Variants in SEC16B observed in about 807,000 individuals in gnomAD.
SEC16B encodes the protein SEC16 homolog B, endoplasmic reticulum export factor.
Under a neutral mutation model 141.8 loss-of-function variants are expected in SEC16B, and 115 were observed. The ratio of observed to expected loss-of-function variants is 0.81; its 90% CI spans 0.70 to 0.95. The LOEUF is 0.95. Ranked by LOEUF, SEC16B falls within the 40% of genes least tolerant of loss-of-function variation. The pLI, the probability that SEC16B is intolerant of heterozygous loss-of-function variation, is 0.00. For missense variants in SEC16B, 1,291 were observed against 1,312.3 expected, an observed-to-expected ratio of 0.98 and a Z score of 0.25; for synonymous variants, 493 against 492.5, an observed-to-expected ratio of 1.00 and a Z score of -0.01.
At chr1:177,961,854 G>T in intron 5 of SEC16B, 120 bp from the exon 6 acceptor site, 1 of 974,374 alleles carries the variant, frequency 1.0e-6, no homozygotes, top group African/African-American at 1.7e-5. Context: ...GATAAAAAGA[G>T]ATAATCAAGT....
At chr1:177,930,472 G>T in intron 25 of SEC16B, 73 bp downstream of exon 25, 2 of 945,232 alleles carry the variant, frequency 2.1e-6, no homozygotes, top group Admixed American at 2.3e-5. Context: ...GGTAAACTGG[G>T]ATGATAAACC....
At chr1:177,979,462 A>G (rs1441567818) in intron 1 of SEC16B, among the ~76,000 whole-genome samples, 3 of 152,186 alleles carry the variant, frequency 2.0e-5, no homozygotes, top group African/African-American at 7.2e-5. Context: ...CCCTTGCTCT[A>G]TCAGTCTGGA....
chr1:177,968,568 T>C (rs1653734319), intron 1 of SEC16B, among the ~76,000 whole-genome samples: 1 of 152,214 alleles, frequency 6.6e-6, no homozygotes, highest in African/African-American at 2.4e-5. Context: ...GAGTTAAAGA[T>C]AACCTATGCG....
intron 1 of SEC16B, among the ~76,000 whole-genome samples, chr1:177,976,105 C>T (rs1397096586): frequency 1.3e-5 from 2 of 152,198 alleles, no homozygotes. Context: ...GACCAAGGCA[C>T]CCTGTGGTTG....
chr1:177,933,465 G>A lies in SEC16B; in HGVS notation c.2724+19C>T. 1.9e-6 allele frequency: 3 copies of A among 1,609,126 alleles called. No homozygotes were observed. Among genetic ancestry groups the A allele is most frequent in the Non-Finnish European group, 2.5e-6 (3 of 1,177,466 alleles). On this transcript the variant is annotated intron_variant, in intron 21 of 25. Coordinates refer to ENST00000308284, the MANE Select transcript of SEC16B (RefSeq NM_033127.4). Reference sequence around the variant, plus strand: ...GGCAGGGGAAGGAAGGCAGGGGAGAGAAGAACAAGTCCCTCCACCTTTGTA... The same window carrying A: ...GGCAGGGGAAGGAAGGCAGGGGAGAAAAGAACAAGTCCCTCCACCTTTGTA...
Position 177,936,358 on chromosome 1 carries a change from G to A in SEC16B, c.2511C>T (p.Asn837=). The change falls in exon 20 of 26, where the codon AAC becomes AAT. Residue 837 remains asparagine (N), a synonymous_variant. Coordinates refer to ENST00000308284, the MANE Select transcript of SEC16B (RefSeq NM_033127.4). The part of the protein sequence containing the change: ...MLQTHLGPGE[N]TVSQETSQPP... The stretch of plus-strand genomic sequence containing the variant: ...GCTGGGAAGTTTCTTGAGACACTGT[G>A]TTCTCTCCTGCATCACAAACAGAAA... 1 of 1,608,588 alleles carries A rather than the reference G, an allele frequency of 6.2e-7. No individual in the cohort carries two copies. The highest frequency in any genetic ancestry group is 8.5e-7 in the Non-Finnish European group (1 of 1,177,396).
chr1:177,967,533 A>C, intron 2 of SEC16B, 150 bp downstream of exon 2: 1 of 683,480 alleles, frequency 1.5e-6, no homozygotes, highest in Non-Finnish European at 2.3e-6. Flanking sequence ...AATTTGGGAG[A>C]GGACAGGATT....
In SEC16B at chr1:177,937,174, C is replaced by T. The variant is rs368724789; in HGVS notation, c.2503+40G>A. 97 of 1,564,958 alleles carry T rather than the reference C, an allele frequency of 6.2e-5. No individual in the cohort carries two copies. The African/African-American group carries it at 1.0e-3, about 17-fold the overall frequency. ...CTTTCCTGCTTCCTCCCCACCCAGA[C>T]CCTACATTCAATGTGGCCACCCTAG... is the stretch of plus-strand genomic sequence containing the variant. On this transcript the variant is annotated intron_variant, in intron 19 of 25. Transcript: ENST00000308284.
intron 16 of SEC16B, 61 bp downstream of exon 16, chr1:177,941,839 C>T (rs1473140792): frequency 7.6e-6 from 12 of 1,569,330 alleles, no homozygotes; most frequent in South Asian, 4.7e-5. Context: ...AGCTGCTCTA[C>T]GATGGCTTTC....
In SEC16B at chr1:177,955,265, G is replaced by A. The variant is rs1652510344; in HGVS notation, c.1366-889C>T. The stretch of plus-strand genomic sequence containing the variant: ...AATCCCTACACTTTGGGAGGTGGAG[G>A]GAGAGGATCACTTGAGCCCAGGAGT... On this transcript the variant is annotated intron_variant, in intron 10 of 25. Coordinates refer to ENST00000308284, the MANE Select transcript of SEC16B (RefSeq NM_033127.4). Among the ~76,000 whole-genome samples, 3 of 152,026 alleles carry A rather than the reference G, an allele frequency of 2.0e-5. No individual in the cohort carries two copies. In the South Asian group the frequency reaches 6.2e-4, roughly 32 times the overall value.
At chr1:177,940,120 T>C (rs1651167202) in intron 17 of SEC16B, among the ~76,000 whole-genome samples, 1 of 152,116 alleles carries the variant, frequency 6.6e-6, no homozygotes, top group Non-Finnish European at 1.5e-5. Flanking sequence ...CAGAGCAGAA[T>C]GGGAAAAAGA....
chr1:177,939,927 G>T, intron 17 of SEC16B, 150 bp from the exon 18 acceptor site: 1 of 666,816 alleles, frequency 1.5e-6, no homozygotes, highest in Admixed American at 2.8e-5. Context: ...GGCCTGGGGG[G>T]TCACGTGGAC....
At chr1:177,966,892 T>C (rs1113416) in intron 2 of SEC16B, among the ~76,000 whole-genome samples, 65,345 of 152,080 alleles carry the variant, frequency 0.43, 14,260 homozygotes, top group Non-Finnish European at 0.45. Context: ...AATTCTTTAG[T>C]ATTTCTTAGG....
chr1:177,979,083 C>T (rs1263027746), intron 1 of SEC16B, among the ~76,000 whole-genome samples: 1 of 151,974 alleles, frequency 6.6e-6, no homozygotes, highest in Non-Finnish European at 1.5e-5. Flanking sequence ...GAAAATCAAC[C>T]ACAGGTCTTC....
At chr1:177,930,209 C>T (rs1650311488) in intron 25 of SEC16B, among the ~76,000 whole-genome samples, 1 of 152,160 alleles carries the variant, frequency 6.6e-6, no homozygotes, top group Admixed American at 6.5e-5. Context: ...TTCCAATGAT[C>T]CCTTCATCCC....
At chr1:177,971,441 T>A (rs918471027), upstream of SEC16B, 1 of 152,084 alleles carries the variant, frequency 6.6e-6, no homozygotes, top group Non-Finnish European at 1.5e-5. Context: ...GCTGCACTGT[T>A]GTTTTTAATC....
chr1:177,952,488 C>A (rs529393509), intron 11 of SEC16B, among the ~76,000 whole-genome samples: 6 of 152,100 alleles, frequency 3.9e-5, no homozygotes, highest in Non-Finnish European at 8.8e-5. Flanking sequence ...TGCTCACAAG[C>A]GCTAAATAGC....
Position 177,954,333 on chromosome 1 carries a change from G to T in SEC16B, c.1409C>A (p.Ala470Asp). 6.3e-7 allele frequency: 1 copy of T among 1,576,496 alleles called. No individual in the cohort carries two copies. Among genetic ancestry groups the T allele is most frequent in the Non-Finnish European group, 8.6e-7 (1 of 1,160,080 alleles). ...GTCCATCTTGCTGGACAGGAACAAA[G>T]CATGGCCCCACAAGTGGTTCTTCAT... ...WAMKNHLWGHALFLSSKMDPQ... is the reference protein window; with the variant it reads ...WAMKNHLWGHDLFLSSKMDPQ... Residue 470 changes from alanine (A) to aspartate (D), a missense_variant, in exon 11 of 26, where the codon GCT becomes GAT. Transcript: ENST00000308284.
At chr1:177,948,250 C>T (rs1651886280) in intron 12 of SEC16B, 5 of 993,930 alleles carry the variant, frequency 5.0e-6, no homozygotes, top group South Asian at 1.7e-5. Flanking sequence ...TGCCTGACCC[C>T]CAGATAGCTA....
Sources: allele counts gnomAD v4.1 joint callset (sites outside exome capture counted in the v4.1 genomes callset), GRCh38; gene constraint gnomAD v4.1.1; transcripts MANE v1.5; gene names NCBI Gene and HGNC (gene_info 2026-07-23, HGNC 2026-07-21).